MAGI2: variants seen among roughly 807,000 people sequenced by gnomAD.
MAGI2 encodes membrane-associated guanylate kinase, WW and PDZ domain-containing protein 2.
A neutral mutation model predicts 133.3 loss-of-function variants in MAGI2; 35 were observed. The ratio of observed to expected loss-of-function variants is 0.26; its 90% CI spans 0.20 to 0.35. The LOEUF (loss-of-function observed/expected upper bound fraction) is 0.35. Ranked by LOEUF, MAGI2 falls within the 10% of genes least tolerant of loss-of-function variation. MAGI2 has a pLI of 1.00. For missense variants in MAGI2, 1,636 were observed against 1,863.4 expected (o/e 0.88, Z 2.25); for synonymous variants, 729 against 710.6 (o/e 1.03, Z -0.41).
chr7:79,124,202 T>C (rs1820183397), intron 1 of MAGI2, among the ~76,000 whole-genome samples: 1 of 152,168 alleles, frequency 6.6e-6, no homozygotes, highest in Non-Finnish European at 1.5e-5. Context: ...AGCCAAAATA[T>C]AGAAAGGCCA....
chr7:79,136,003 G>GAAAGAGAAAGAAAGAAAGAA (rs749343638), intron 1 of MAGI2, among the ~76,000 whole-genome samples: 2 of 40,916 alleles, frequency 4.9e-5, no homozygotes, highest in African/African-American at 1.8e-4. Flanking sequence ...AAGAAAGAAA[G>GAAAGAGAAAGAAAGAAAGAA]AGAAAGAAAG....
chr7:79,380,162 T>G (rs1843680314), intron 1 of MAGI2, among the ~76,000 whole-genome samples: 1 of 151,732 alleles, frequency 6.6e-6, no homozygotes, highest in Non-Finnish European at 1.5e-5. Context: ...CTAATTAAAC[T>G]AAAGAGCTTC....
intron 6 of MAGI2, among the ~76,000 whole-genome samples, chr7:78,381,851 C>G (rs1354474835): frequency 6.6e-6 from 1 of 152,132 alleles, no homozygotes; most frequent in Non-Finnish European, 1.5e-5. Flanking sequence ...GGTGGATGGA[C>G]AATGTGGTAC....
At chr7:79,220,514 G>A (rs549178428) in intron 1 of MAGI2, among the ~76,000 whole-genome samples, 3 of 152,078 alleles carry the variant, frequency 2.0e-5, no homozygotes, top group Admixed American at 2.0e-4. Flanking sequence ...CACAGGAACA[G>A]AAAGCCAGCA....
At chr7:79,374,433 C>A (rs189770881) in intron 1 of MAGI2, among the ~76,000 whole-genome samples, 1 of 151,866 alleles carries the variant, frequency 6.6e-6, no homozygotes, top group Non-Finnish European at 1.5e-5. Context: ...GATATAGAGG[C>A]CTGGAAAAGA....
At chr7:78,315,359 A>C (rs1290018149) in intron 9 of MAGI2, among the ~76,000 whole-genome samples, 1 of 152,132 alleles carries the variant, frequency 6.6e-6, no homozygotes, top group Non-Finnish European at 1.5e-5. Flanking sequence ...ACATTTTGCC[A>C]TTTTCCCAGA....
At chr7:79,317,887 T>C (rs1838866065) in intron 1 of MAGI2, among the ~76,000 whole-genome samples, 1 of 152,150 alleles carries the variant, frequency 6.6e-6, no homozygotes, top group Non-Finnish European at 1.5e-5. Context: ...AGCATGTCAG[T>C]TCAGTTAAGA....
At chr7:78,830,666 GA>G (rs955911191) in intron 2 of MAGI2, among the ~76,000 whole-genome samples, 9 of 151,832 alleles carry the variant, frequency 5.9e-5, no homozygotes, top group African/African-American at 1.9e-4. Flanking sequence ...ACATTACAAT[GA>G]AAAAAAATGG....
intron 1 of MAGI2, among the ~76,000 whole-genome samples, chr7:79,444,340 A>G (rs1350106177): frequency 7.9e-5 from 12 of 152,230 alleles, no homozygotes; most frequent in African/African-American, 2.7e-4. Flanking sequence ...AAGGAAATAA[A>G]GAGTATTCAA....
At chr7:78,334,311 A>T (rs1387588326) in intron 9 of MAGI2, among the ~76,000 whole-genome samples, 3 of 152,126 alleles carry the variant, frequency 2.0e-5, no homozygotes, top group Non-Finnish European at 2.9e-5. Context: ...ATCACCATGC[A>T]CATGGACCTC....
Position 78,515,697 on chromosome 7 carries a change from T to A in MAGI2, c.754+5733A>T, listed in dbSNP as rs373915573. On this transcript the variant is annotated intron_variant, in intron 4 of 21. Coordinates refer to ENST00000354212, the MANE Select transcript of MAGI2 (RefSeq NM_012301.4). Reference sequence around the variant, plus strand: ...GGGTGGATCACCTGAGGTCAGGATTTCAAGACCAGCCTGACCAAATGGAGA... The same window carrying A: ...GGGTGGATCACCTGAGGTCAGGATTACAAGACCAGCCTGACCAAATGGAGA... 3.3e-5 allele frequency among the ~76,000 whole-genome samples: 5 copies of A among 152,246 alleles called. 1 individual carries two copies. The East Asian group carries it at 5.8e-4, about 18-fold the overall frequency.
chr7:79,297,430 G>C (rs1481382584), intron 1 of MAGI2, among the ~76,000 whole-genome samples: 1 of 152,056 alleles, frequency 6.6e-6, no homozygotes, highest in Non-Finnish European at 1.5e-5. Flanking sequence ...TCATTTACAG[G>C]CTCTTCCCAT....
intron 1 of MAGI2, among the ~76,000 whole-genome samples, chr7:79,446,414 A>G (rs563390576): frequency 6.6e-6 from 1 of 152,220 alleles, no homozygotes; most frequent in African/African-American, 2.4e-5. Flanking sequence ...GGTATATCCA[A>G]TGATATATCC....
intron 9 of MAGI2, among the ~76,000 whole-genome samples, chr7:78,286,427 C>A (rs760923791): frequency 3.7e-4 from 56 of 152,020 alleles, no homozygotes; most frequent in Non-Finnish European, 4.3e-4. Flanking sequence ...AGGAATATGG[C>A]GATTTACTAT....
intron 2 of MAGI2, among the ~76,000 whole-genome samples, chr7:78,763,320 T>C (rs763632254): frequency 3.2e-4 from 49 of 152,270 alleles, no homozygotes; most frequent in Middle Eastern, 3.4e-3. Context: ...GCATGCACAA[T>C]GAGACTGAGT....
At chr7:78,368,358 A>T (rs768594575) in intron 7 of MAGI2, among the ~76,000 whole-genome samples, 6 of 152,204 alleles carry the variant, frequency 3.9e-5, no homozygotes, top group Non-Finnish European at 8.8e-5. Context: ...GAACAATGTG[A>T]AAGTCTTTTG....
intron 2 of MAGI2, among the ~76,000 whole-genome samples, chr7:78,972,938 T>TACAC (rs3069435): frequency 0.019 from 2,883 of 148,326 alleles, 99 homozygotes; most frequent in African/African-American, 0.067. Flanking sequence ...TTGTTGCTTT[T>TACAC]ACACACACAC....
chr7:78,449,101 T>G (rs758807299), intron 6 of MAGI2, among the ~76,000 whole-genome samples: 9 of 152,048 alleles, frequency 5.9e-5, no homozygotes, highest in Non-Finnish European at 1.3e-4. Flanking sequence ...GTGACATCAT[T>G]CTGCTGCCCT....
intron 1 of MAGI2, chr7:79,012,397 C>T (rs1346502944): frequency 6.6e-6 from 1 of 152,158 alleles, no homozygotes; most frequent in African/African-American, 2.4e-5. Context: ...TGAACTTCCA[C>T]ATCTTGCTCA....
Sources: gnomAD v4.1 joint callset for allele counts (sites outside exome capture counted in the v4.1 genomes callset) on GRCh38, gnomAD v4.1.1 for gene constraint, MANE v1.5 for transcripts, NCBI Gene and HGNC (gene_info 2026-07-23, HGNC 2026-07-21) for gene names.